The following DCC variants were observed in gnomAD, a reference collection of about 807,000 sequenced individuals.
The protein encoded by DCC is netrin receptor DCC.
Under a neutral mutation model 172.5 loss-of-function variants are expected in DCC, and 58 were observed. That is an observed-to-expected ratio of 0.34 (90% CI 0.27 to 0.42). DCC has a LOEUF of 0.42. DCC is among the 10% of genes least tolerant of loss of function. The pLI is 1.00. For missense variants in DCC, 1,740 were observed against 1,791.0 expected, an observed-to-expected ratio of 0.97 and a Z score of 0.51; for synonymous variants, 709 against 644.5, an observed-to-expected ratio of 1.10 and a Z score of -1.52.
chr18:53,530,819 C>T lies in DCC; in HGVS notation c.*166C>T, dbSNP rs533012177. The T allele has an allele frequency of 8.8e-6, 6 of 679,312 alleles. No individual in the cohort carries two copies. In the Admixed American group the frequency reaches 1.0e-4, roughly 12 times the overall value. 42.1% of individuals were successfully genotyped at this position (679,312 alleles called of 1,614,324 possible). A position where few individuals can be genotyped will look rare whatever the true frequency, so the allele number is the denominator to read the frequency against. On this transcript the variant is annotated 3_prime_UTR_variant, in exon 29 of 29. Coordinates refer to ENST00000442544, the MANE Select transcript of DCC (RefSeq NM_005215.4). ...AAGCAGTTCAGAAGGAATAAGCATT[C>T]CTTCTTTCACAGGCATCAGGAATTG...
chr18:53,069,013 C>T (rs2042615133), intron 7 of DCC, among the ~76,000 whole-genome samples: 1 of 152,014 alleles, frequency 6.6e-6, no homozygotes. Flanking sequence ...GCTGAGACAA[C>T]ATGGTGGCAT....
intron 2 of DCC, among the ~76,000 whole-genome samples, chr18:52,793,576 CTCAT>C (rs2037816560): frequency 6.6e-6 from 1 of 152,126 alleles, no homozygotes; most frequent in Non-Finnish European, 1.5e-5. Flanking sequence ...AATATTTTCT[CTCAT>C]TCTGCATGTT....
intron 7 of DCC, among the ~76,000 whole-genome samples, chr18:53,088,888 C>T: frequency 6.6e-6 from 1 of 151,976 alleles, no homozygotes; most frequent in Non-Finnish European, 1.5e-5. Flanking sequence ...AAAGATTAGC[C>T]AGAAACGAGC....
At chr18:52,710,961 GGA>G (rs1008160938) in intron 1 of DCC, among the ~76,000 whole-genome samples, 1 of 152,204 alleles carries the variant, frequency 6.6e-6, no homozygotes, top group Non-Finnish European at 1.5e-5. Flanking sequence ...GGCTTACAGA[GGA>G]GAGAGTTGGT....
At chr18:52,659,212 GT>G (rs2035312222) in intron 1 of DCC, among the ~76,000 whole-genome samples, 1 of 152,150 alleles carries the variant, frequency 6.6e-6, no homozygotes, top group Non-Finnish European at 1.5e-5. Flanking sequence ...TATCCATGAT[GT>G]AATTATAAAT....
At chr18:53,269,830 G>A (rs963501788) in intron 12 of DCC, among the ~76,000 whole-genome samples, 2 of 152,136 alleles carry the variant, frequency 1.3e-5, no homozygotes, top group South Asian at 4.1e-4. Context: ...ATAATTTCTG[G>A]ATTATATGAT....
chr18:52,345,382 C>T (rs1301144409), intron 1 of DCC, among the ~76,000 whole-genome samples: 1 of 152,106 alleles, frequency 6.6e-6, no homozygotes, highest in Admixed American at 6.6e-5. Flanking sequence ...AGTCTTCTTC[C>T]CCCTCTTTTT....
At chr18:52,782,501 TC>T (rs1340098929) in intron 2 of DCC, among the ~76,000 whole-genome samples, 2 of 151,982 alleles carry the variant, frequency 1.3e-5, no homozygotes, top group African/African-American at 4.8e-5. Context: ...CTCTGCACAC[TC>T]TAGTGTCCCA....
chr18:52,976,559 T>A (rs2041121964), intron 5 of DCC, among the ~76,000 whole-genome samples: 1 of 152,210 alleles, frequency 6.6e-6, no homozygotes, highest in Non-Finnish European at 1.5e-5. Flanking sequence ...ATATGAACTT[T>A]GCAAGATGAC....
At chr18:52,550,863 T>C (rs2032750784) in intron 1 of DCC, among the ~76,000 whole-genome samples, 2 of 151,924 alleles carry the variant, frequency 1.3e-5, no homozygotes, top group Non-Finnish European at 2.9e-5. Flanking sequence ...CTCTGTACGA[T>C]CTTCACAACT....
In DCC at chr18:53,486,883, C is replaced by T. The variant is rs756529835; in HGVS notation, c.3823C>T (p.Pro1275Ser). Reference protein sequence around the residue: ...LPSPTCGYPHPQFTLRPVPFP... With the variant: ...LPSPTCGYPHSQFTLRPVPFP... ...GTCTCCCACCTGTGGATATCCCCAC[C>T]CGCAGTTCACTCTCCGGCCTGTGCC... The change falls in exon 26 of 29, where the codon CCG (proline) becomes TCG (serine). Residue 1275 changes from proline to serine, a missense_variant. Transcript: ENST00000442544. The T allele has an allele frequency of 1.9e-6, 3 of 1,614,176 alleles. No individual in the cohort carries two copies. The highest frequency in any genetic ancestry group is 1.7e-6 in the Non-Finnish European group (2 of 1,180,042).
rs1033964397 is a variant in DCC at position 53,369,072 on chromosome 18, C to T, written c.2360-16971C>T. Among the ~76,000 whole-genome samples the T allele has an allele frequency of 3.3e-5, 5 of 151,926 alleles. No individual in the cohort carries two copies. In the South Asian group the frequency reaches 6.2e-4, roughly 19 times the overall value. ...TTATAGTTCTTCTAGTACGTGAACA[C>T]GGGCTGCGTTTCTATATATTTAAAG... is the stretch of plus-strand genomic sequence containing the variant. On this transcript the variant is annotated intron_variant, in intron 15 of 28. Coordinates refer to ENST00000442544, the MANE Select transcript of DCC (RefSeq NM_005215.4).
At chr18:53,175,045 C>A (rs1191279565) in intron 8 of DCC, among the ~76,000 whole-genome samples, 1 of 151,452 alleles carries the variant, frequency 6.6e-6, no homozygotes, top group Non-Finnish European at 1.5e-5. Context: ...TAAATGTAAT[C>A]CAGCATATAA....
At chr18:52,911,912 A>G (rs1031445216) in intron 3 of DCC, among the ~76,000 whole-genome samples, 9 of 152,000 alleles carry the variant, frequency 5.9e-5, no homozygotes, top group Non-Finnish European at 1.2e-4. Flanking sequence ...AATGAAGTAT[A>G]TGATCTTATT....
intron 1 of DCC, among the ~76,000 whole-genome samples, chr18:52,686,789 G>C (rs770711979): frequency 2.6e-5 from 4 of 151,988 alleles, no homozygotes; most frequent in Admixed American, 1.3e-4. Context: ...TAGTATCCAG[G>C]GCTGAGGTCT....
intron 1 of DCC, among the ~76,000 whole-genome samples, chr18:52,454,972 A>G (rs972747214): frequency 4.6e-5 from 7 of 152,148 alleles, no homozygotes; most frequent in Non-Finnish European, 7.4e-5. Flanking sequence ...CATTAGTGCA[A>G]TTGTTTCCAA....
Position 53,463,513 on chromosome 18 carries a change from A to G in DCC, c.3619+4055A>G, listed in dbSNP as rs181611729. ...TTACCAAGAAACATTATATTTAACA[A>G]TGGGGTTCCTGAGTAGGCAATAACT... On this transcript the variant is annotated intron_variant, in intron 24 of 28. Transcript: ENST00000442544. Among the ~76,000 whole-genome samples, 16 of 152,304 alleles carry G rather than the reference A, an allele frequency of 1.1e-4. No homozygotes were observed. In the East Asian group the frequency reaches 2.1e-3, roughly 20 times the overall value.
intron 1 of DCC, among the ~76,000 whole-genome samples, chr18:52,700,739 G>C (rs996309304): frequency 5.9e-5 from 9 of 152,176 alleles, no homozygotes; most frequent in African/African-American, 2.2e-4. Context: ...ATGAAGACAA[G>C]TTCTTACTTT....
At chr18:53,066,943 AG>A (rs2042579714) in intron 7 of DCC, among the ~76,000 whole-genome samples, 1 of 151,956 alleles carries the variant, frequency 6.6e-6, no homozygotes, top group Non-Finnish European at 1.5e-5. Flanking sequence ...ACAGAGAAAG[AG>A]GGGGAAGTGC....
Sources: gnomAD v4.1 joint callset for allele counts (sites outside exome capture counted in the v4.1 genomes callset) on GRCh38, gnomAD v4.1.1 for gene constraint, MANE v1.5 for transcripts, NCBI Gene and HGNC (gene_info 2026-07-23, HGNC 2026-07-21) for gene names.